CXCL14: variants seen among roughly 807,000 people sequenced by gnomAD.
CXCL14 encodes the protein C-X-C motif chemokine ligand 14, also known as C-X-C motif chemokine 14.
In CXCL14, 9 loss-of-function variants were observed where a neutral mutation model predicts 16.1. The observed-to-expected ratio is 0.56, with a 90% CI of 0.34 to 0.97. The LOEUF (loss-of-function observed/expected upper bound fraction) is 0.97, where lower values mean the gene tolerates loss of function less well. Among genes scored for constraint, CXCL14 ranks in the 50% least tolerant of loss-of-function variants. CXCL14 has a pLI of 0.02. For synonymous variants in CXCL14, 55 were observed against 52.8 expected (o/e 1.04, Z -0.18); for missense variants, 111 against 132.5 (o/e 0.84, Z 0.80).
chr5:135,576,738 G>A (rs1267356812), intron 2 of CXCL14, among the ~76,000 whole-genome samples: 4 of 75,978 alleles, frequency 5.3e-5, no homozygotes, highest in East Asian at 3.4e-4. Context: ...CTCTCCCCCC[G>A]CCCCTACTCC....
chr5:135,573,568 G>A (rs1751054769), intron 3 of CXCL14, among the ~76,000 whole-genome samples: 1 of 152,116 alleles, frequency 6.6e-6, no homozygotes, highest in African/African-American at 2.4e-5. Flanking sequence ...GCACCAGGAG[G>A]CCTGGTTTGC....
At position 135,571,149 on chromosome 5, in the gene CXCL14, G is replaced by A. The variant is rs1446477724; in HGVS notation, c.*704C>T. On this transcript the variant is annotated 3_prime_UTR_variant, in exon 4 of 4. Coordinates refer to ENST00000512158, the MANE Select transcript of CXCL14 (RefSeq NM_004887.5). Reference sequence around the variant, plus strand: ...CTGTGAACCTTTCAGAAATCCTCAGGTTGGGAAAGACCCCACACCTTCTTT... The same window carrying A: ...CTGTGAACCTTTCAGAAATCCTCAGATTGGGAAAGACCCCACACCTTCTTT... 6.6e-6 allele frequency: 1 copy of A among 152,192 alleles called. No individual in the cohort carries two copies. The highest frequency in any genetic ancestry group is 1.5e-5 in the Non-Finnish European group (1 of 68,048). 9.4% of individuals were successfully genotyped at this position (152,192 alleles called of 1,614,324 possible).
rs759898082 is a variant in CXCL14, at chr5:135,578,404, A to G, written c.170+30T>C. The G allele has an allele frequency of 2.5e-6, 4 of 1,571,364 alleles. No individual in the cohort carries two copies. In the South Asian group the frequency reaches 3.3e-5, roughly 13 times the overall value. ...TGGCATTGGGTTGACAGCAGTGCGC[A>G]CCCCCTCAAGGTGAGGAGCGAGAAC... On this transcript the variant is annotated intron_variant, in intron 2 of 3. Transcript: ENST00000512158.
Position 135,578,988 on chromosome 5 carries a change from C to T in CXCL14, c.-210G>A. 1.8e-6 allele frequency: 1 copy of T among 541,842 alleles called. No individual in the cohort carries two copies. Among genetic ancestry groups the T allele is most frequent in the Non-Finnish European group, 3.1e-6 (1 of 320,180 alleles). 33.6% of individuals were successfully genotyped at this position (541,842 alleles called of 1,614,324 possible). A position where few individuals can be genotyped will look rare whatever the true frequency, so the allele number is the denominator to read the frequency against. The stretch of plus-strand genomic sequence containing the variant: ...CTCTGCGCTTGTCTCCGCGCTCTCT[C>T]CACAGCCTCCCTCCGCCCGCCCTGG... On this transcript the variant is annotated 5_prime_UTR_variant, in exon 1 of 4. Transcript: ENST00000512158.
rs569114921 is a variant in CXCL14 at position 135,577,006 on chromosome 5, G to A, written c.170+1428C>T. Among the ~76,000 whole-genome samples, 177 of 152,242 alleles carry A rather than the reference G, an allele frequency of 1.2e-3. 3 individuals are homozygous for A. Among genetic ancestry groups the A allele is most frequent in the Non-Finnish European group, 1.5e-3 (103 of 68,020 alleles). On this transcript the variant is annotated intron_variant, in intron 2 of 3. Coordinates refer to ENST00000512158, the MANE Select transcript of CXCL14 (RefSeq NM_004887.5). ...TGCTGATCTCCTGAGGCCCCTGCAC[G>A]TTTCTACAAGGCTCCGTAAAGCCTT...
At position 135,574,674 on chromosome 5, in the gene CXCL14, T is replaced by C. The variant is rs146115267; in HGVS notation, c.182A>G (p.Lys61Arg). 2,508 of 1,613,552 alleles carry C rather than the reference T, an allele frequency of 1.6e-3. 7 individuals are homozygous for C. The highest frequency in any genetic ancestry group is 1.8e-3 in the Non-Finnish European group (2,133 of 1,179,652). The part of the protein sequence containing the change: ...CEEKMVIITT[K>R]SVSRYRGQEH... ...CTGACCTCGGTACCTGGACACGCTCTTGGTGGTGATGCTGAAACGGAGCAG... is the reference window on the plus strand; with the variant it reads ...CTGACCTCGGTACCTGGACACGCTCCTGGTGGTGATGCTGAAACGGAGCAG... Residue 61 changes from lysine (K) to arginine (R), a missense_variant, in exon 3 of 4, where the codon AAG (lysine) becomes AGG (arginine). Transcript: ENST00000512158.
Position 135,578,773 on chromosome 5 carries a change from C to T in CXCL14, c.6G>A (p.Arg2=). 1 of 1,543,124 alleles carries T rather than the reference C, an allele frequency of 6.5e-7. No homozygotes were observed. Among genetic ancestry groups the T allele is most frequent in the Non-Finnish European group, 8.7e-7 (1 of 1,145,128 alleles). Residue 2 remains arginine, a synonymous_variant, in exon 1 of 4, where the codon AGG becomes AGA. Transcript: ENST00000512158. ...GCAGGAGCAGCGCGGCCGCCAGGAG[C>T]CTCATGCTGACCGGAGGGGCGCGGC... The part of the protein sequence containing the change: M[R]LLAAALLLLL...
Position 135,574,634 on chromosome 5 carries a change from G to A in CXCL14, c.222C>T (p.His74=). Residue 74 remains histidine (H), a synonymous_variant, in exon 3 of 4, where the codon CAC becomes CAT. Coordinates refer to ENST00000512158, the MANE Select transcript of CXCL14 (RefSeq NM_004887.5). The part of the protein sequence containing the change: ...SRYRGQEHCL[H]PKLQSTKRFI... ...AGCGCTTGGTGCTCTGCAGCTTGGG[G>A]TGCAGGCAGTGCTCCTGACCTCGGT... is the stretch of plus-strand genomic sequence containing the variant. 1 of 1,613,786 alleles carries A rather than the reference G, an allele frequency of 6.2e-7. No homozygotes were observed. Among genetic ancestry groups the A allele is most frequent in the Non-Finnish European group, 8.5e-7 (1 of 1,179,948 alleles).
intron 3 of CXCL14, among the ~76,000 whole-genome samples, chr5:135,574,321 C>T (rs1440326721): frequency 1.3e-5 from 2 of 152,230 alleles, no homozygotes; most frequent in Non-Finnish European, 2.9e-5. Flanking sequence ...GTGAGACAGA[C>T]TTTAGTTTAC....
At position 135,577,597 on chromosome 5, in the gene CXCL14, G is replaced by A. The variant is rs114350171; in HGVS notation, c.170+837C>T. On this transcript the variant is annotated intron_variant, in intron 2 of 3. Coordinates refer to ENST00000512158, the MANE Select transcript of CXCL14 (RefSeq NM_004887.5). ...CTTGCCCAGACTGAGAATAAAGTGC[G>A]TCCTGTTTCTGGGGGAGGGGAAGAG... Among the ~76,000 whole-genome samples, 322 of 152,320 alleles carry A rather than the reference G, an allele frequency of 2.1e-3. 1 individual carries two copies. The highest frequency in any genetic ancestry group is 3.8e-3 in the Admixed American group (58 of 15,304).
chr5:135,578,893 C>A lies in CXCL14; in HGVS notation c.-115G>T. On this transcript the variant is annotated 5_prime_UTR_variant, in exon 1 of 4. Coordinates refer to ENST00000512158, the MANE Select transcript of CXCL14 (RefSeq NM_004887.5). ...CTCGGCTTTCTCTGCCCGGGGCGCGCCTTCCGGCTCTGCTGGCTCCGGCTG... is the reference window on the plus strand; with the variant it reads ...CTCGGCTTTCTCTGCCCGGGGCGCGACTTCCGGCTCTGCTGGCTCCGGCTG... 2 of 1,163,966 alleles carry A rather than the reference C, an allele frequency of 1.7e-6. No individual in the cohort carries two copies. Among genetic ancestry groups the A allele is most frequent in the Non-Finnish European group, 2.3e-6 (2 of 872,326 alleles). The allele number at this position is 1,163,966 out of a possible 1,614,324, so 72.1% of individuals were successfully genotyped here.
At chr5:135,572,688 A>G in intron 3 of CXCL14, among the ~76,000 whole-genome samples, 1 of 152,216 alleles carries the variant, frequency 6.6e-6, no homozygotes, top group East Asian at 1.9e-4. Context: ...AAAATGCCTG[A>G]CTAGGCTGCT....
chr5:135,578,353 G>C, intron 2 of CXCL14, 81 bp downstream of exon 2: 1 of 1,221,198 alleles, frequency 8.2e-7, no homozygotes, highest in East Asian at 2.3e-5. Flanking sequence ...ATGTTTGTTA[G>C]CCCGACCCAG....
At chr5:135,578,230 G>A (rs2126866742) in intron 2 of CXCL14, among the ~76,000 whole-genome samples, 1 of 152,268 alleles carries the variant, frequency 6.6e-6, no homozygotes, top group Non-Finnish European at 1.5e-5. Context: ...CTGTTCCGGA[G>A]CGGGACAGTG....
intron 2 of CXCL14, 85 bp downstream of exon 2, chr5:135,578,349 G>C (rs916141231): frequency 4.6e-5 from 54 of 1,170,332 alleles, no homozygotes; most frequent in African/African-American, 1.5e-5. Flanking sequence ...AGAAATGTTT[G>C]TTAGCCCGAC....
chr5:135,572,078 T>C (rs561164461), intron 3 of CXCL14, among the ~76,000 whole-genome samples: 1 of 152,310 alleles, frequency 6.6e-6, no homozygotes, highest in Admixed American at 6.5e-5. Context: ...TTGTCTTTTC[T>C]AACCATCTGC....
chr5:135,571,785 T>TTTTTG lies in CXCL14; in HGVS notation c.*67_*68insCAAAA. ...TTTTTTTTTTTTTTTTTTTTTTTTTTAATCTGCAAAGTCCTTTGCACAAGT... is the reference window on the plus strand; with the variant it reads ...TTTTTTTTTTTTTTTTTTTTTTTTTTTTTTGAATCTGCAAAGTCCTTTGCACAAGT... On this transcript the variant is annotated 3_prime_UTR_variant, in exon 4 of 4. Transcript: ENST00000512158. The TTTTTG allele has an allele frequency of 2.4e-6, 1 of 412,546 alleles. No homozygotes were observed. Among genetic ancestry groups the TTTTTG allele is most frequent in the East Asian group, 5.1e-5 (1 of 19,580 alleles). The allele number at this position is 412,546 out of a possible 1,614,324, so 25.6% of individuals were successfully genotyped here.
At chr5:135,572,270 C>A (rs570273032) in intron 3 of CXCL14, among the ~76,000 whole-genome samples, 1 of 152,218 alleles carries the variant, frequency 6.6e-6, no homozygotes, top group South Asian at 2.1e-4. Context: ...TTTCTTTCCG[C>A]GTCTGTACTC....
intron 3 of CXCL14, among the ~76,000 whole-genome samples, chr5:135,573,255 C>A (rs372663334): frequency 3.9e-5 from 6 of 152,230 alleles, no homozygotes; most frequent in Non-Finnish European, 8.8e-5. Flanking sequence ...GTGTGGACTG[C>A]GCAGTTCTGG....
Sources: allele counts gnomAD v4.1 joint callset (sites outside exome capture counted in the v4.1 genomes callset), GRCh38; gene constraint gnomAD v4.1.1; transcripts MANE v1.5; gene names NCBI Gene and HGNC (gene_info 2026-07-23, HGNC 2026-07-21).